The following PLEKHA8 variants were observed in gnomAD, a reference collection of about 807,000 sequenced individuals.
PLEKHA8 encodes pleckstrin homology domain-containing family A member 8.
Under a neutral mutation model 68.2 loss-of-function variants are expected in PLEKHA8, and 36 were observed. The ratio of observed to expected loss-of-function variants is 0.53; its 90% CI spans 0.40 to 0.70. The LOEUF (loss-of-function observed/expected upper bound fraction) is 0.70. Among genes scored for constraint, PLEKHA8 ranks in the 30% least tolerant of loss-of-function variants. The probability of loss-of-function intolerance (pLI) is 0.00; values close to 1 mark genes in which losing one functional copy is unlikely to be tolerated. For missense variants in PLEKHA8, 505 were observed against 615.4 expected (o/e 0.82, Z 1.90); for synonymous variants, 211 against 216.1 (o/e 0.98, Z 0.20).
intron 1 of PLEKHA8, among the ~76,000 whole-genome samples, chr7:30,039,144 T>A (rs752127814): frequency 6.6e-6 from 1 of 152,238 alleles, no homozygotes; most frequent in Non-Finnish European, 1.5e-5. Context: ...TGGTAGCAGT[T>A]TTGGAATAGT....
rs767913028 is a variant in PLEKHA8 at position 30,060,921 on chromosome 7, G to A, written c.1077G>A (p.Met359Ile). 10 of 1,613,006 alleles carry A rather than the reference G, an allele frequency of 6.2e-6. No homozygotes were observed. Among genetic ancestry groups the A allele is most frequent in the Non-Finnish European group, 8.5e-6 (10 of 1,179,578 alleles). ...LGPTVFAPVK[M>I]DLVGNIKKVN... ...CTACAGTGTTTGCTCCTGTTAAGAT[G>A]GATCTTGTTGGAAATATTAAGGTGA... The change falls in exon 10 of 14, where the codon ATG becomes ATA. Residue 359 changes from methionine (M) to isoleucine (I), a missense_variant. Met to Ile is a conservative substitution (Grantham distance 10). Coordinates refer to ENST00000449726, the MANE Select transcript of PLEKHA8 (RefSeq NM_001197026.2).
intron 13 of PLEKHA8, among the ~76,000 whole-genome samples, chr7:30,115,688 G>A (rs1043323430): frequency 2.0e-5 from 3 of 149,022 alleles, no homozygotes; most frequent in African/African-American, 7.5e-5. Flanking sequence ...GCACATACAT[G>A]CATACACGTA....
At chr7:30,029,542 T>A (rs1360200489) in intron 1 of PLEKHA8, among the ~76,000 whole-genome samples, 1 of 152,246 alleles carries the variant, frequency 6.6e-6, no homozygotes, top group Non-Finnish European at 1.5e-5. Flanking sequence ...GTTCTACAGC[T>A]GTGAAAATTA....
At chr7:30,129,878 G>A (rs1388651500), downstream of PLEKHA8, 1 of 156,080 alleles carries the variant, frequency 6.4e-6, no homozygotes, top group Non-Finnish European at 1.4e-5. Flanking sequence ...TGTTTCCATT[G>A]TGTCACATAT....
rs184861037 is a variant in PLEKHA8 at position 30,074,493 on chromosome 7, A to G, written c.1362+361A>G. Among the ~76,000 whole-genome samples, 62 of 152,294 alleles carry G rather than the reference A, an allele frequency of 4.1e-4. 1 individual carries two copies. The highest frequency in any genetic ancestry group is 1.3e-3 in the African/African-American group (56 of 41,562). ...CAATGACCTTGTGAAGATTTGCCTC[A>G]TAAGTGGTTGCCTTTCTGATAAGGT... On this transcript the variant is annotated intron_variant, in intron 13 of 13. Coordinates refer to ENST00000449726, the MANE Select transcript of PLEKHA8 (RefSeq NM_001197026.2).
chr7:30,052,986 G>C, intron 7 of PLEKHA8, 120 bp downstream of exon 7: 1 of 765,678 alleles, frequency 1.3e-6, no homozygotes, highest in Non-Finnish European at 2.0e-6. Flanking sequence ...TGCTAAGGAG[G>C]ATATTGGCTG....
At chr7:30,056,724 C>CA (rs1195453987) in intron 9 of PLEKHA8, among the ~76,000 whole-genome samples, 2,927 of 39,710 alleles carry the variant, frequency 0.074, 277 homozygotes, top group African/African-American at 0.099. Context: ...CAGCCTGTCT[C>CA]AAAAAAAAAA....
chr7:30,091,995 A>T (rs1795431182), downstream of PLEKHA8, among the ~76,000 whole-genome samples: 3 of 152,316 alleles, frequency 2.0e-5, no homozygotes, highest in Admixed American at 6.5e-5. Flanking sequence ...TGTTCATAGA[A>T]GCCCGTGGAA....
intron 13 of PLEKHA8, among the ~76,000 whole-genome samples, chr7:30,123,997 A>G (rs1796734388): frequency 6.6e-6 from 1 of 152,244 alleles, no homozygotes; most frequent in Admixed American, 6.5e-5. Context: ...CAGAGAGGCT[A>G]TATCTTTGGG....
At chr7:30,077,929 A>T (rs1356308825) in intron 13 of PLEKHA8, among the ~76,000 whole-genome samples, 5 of 152,192 alleles carry the variant, frequency 3.3e-5, no homozygotes, top group Non-Finnish European at 7.4e-5. Context: ...CACAGAGATG[A>T]TCCAAGTTCA....
chr7:30,087,984 T>C (rs1018535954), downstream of PLEKHA8, among the ~76,000 whole-genome samples: 1 of 152,262 alleles, frequency 6.6e-6, no homozygotes, highest in Non-Finnish European at 1.5e-5. Context: ...TTCCTGTCAA[T>C]GTGCCCCGCA....
chr7:30,033,484 A>G (rs1368297482), intron 1 of PLEKHA8, among the ~76,000 whole-genome samples: 1 of 152,210 alleles, frequency 6.6e-6, no homozygotes, highest in East Asian at 1.9e-4. Flanking sequence ...TTATTACCAA[A>G]TAATATTTCA....
chr7:30,064,495 A>G (rs77904861), intron 12 of PLEKHA8, among the ~76,000 whole-genome samples: 25,425 of 152,074 alleles, frequency 0.17, 2,165 homozygotes, highest in Middle Eastern at 0.22. Flanking sequence ...GTGAATTGTG[A>G]TCATGGCACT....
rs1790404272 is a variant in PLEKHA8 at position 30,028,760 on chromosome 7, G to C, written c.-3G>C. The stretch of plus-strand genomic sequence containing the variant: ...GGGCGTGGGCCGAGTGGCCGCGGGC[G>C]CCATGGAGGGGGTGCTGTACAAGTG... On this transcript the variant is annotated 5_prime_UTR_variant, in exon 1 of 14. Coordinates refer to ENST00000449726, the MANE Select transcript of PLEKHA8 (RefSeq NM_001197026.2). 16 of 1,266,452 alleles carry C rather than the reference G, an allele frequency of 1.3e-5. No individual in the cohort carries two copies. Among genetic ancestry groups the C allele is most frequent in the Non-Finnish European group, 1.6e-5 (16 of 1,000,236 alleles). 78.5% of individuals were successfully genotyped at this position (1,266,452 alleles called of 1,614,324 possible).
chr7:30,095,410 A>G (rs1795573858), downstream of PLEKHA8, among the ~76,000 whole-genome samples: 1 of 152,252 alleles, frequency 6.6e-6, no homozygotes, highest in East Asian at 1.9e-4. Context: ...AGTTCATTGT[A>G]GATTCTGGAT....
At chr7:30,096,913 C>G (rs1156623430) in intron 13 of PLEKHA8, among the ~76,000 whole-genome samples, 1 of 152,174 alleles carries the variant, frequency 6.6e-6, no homozygotes, top group Non-Finnish European at 1.5e-5. Flanking sequence ...GCAGTTTCTT[C>G]CTAGCCTTAA....
At chr7:30,094,275 C>CCTTTT (rs1562545904), downstream of PLEKHA8, among the ~76,000 whole-genome samples, 1 of 138,262 alleles carries the variant, frequency 7.2e-6, no homozygotes, top group Admixed American at 7.5e-5. Context: ...CAAGTTTCTA[C>CCTTTT]TTTTTTTTTT....
At chr7:30,059,986 G>A (rs1183857466) in intron 9 of PLEKHA8, among the ~76,000 whole-genome samples, 1 of 150,168 alleles carries the variant, frequency 6.7e-6, no homozygotes, top group Admixed American at 6.6e-5. Context: ...GATCGAGACC[G>A]TCTTGGCCAA....
intron 9 of PLEKHA8, among the ~76,000 whole-genome samples, chr7:30,056,332 A>ATATATATG (rs1562870115): frequency 7.7e-6 from 1 of 130,168 alleles, no homozygotes; most frequent in East Asian, 2.2e-4. Context: ...ATATATATAT[A>ATATATATG]AATAACATAT....
Sources: gnomAD v4.1 joint callset for allele counts (sites outside exome capture counted in the v4.1 genomes callset) on GRCh38, gnomAD v4.1.1 for gene constraint, MANE v1.5 for transcripts, NCBI Gene and HGNC (gene_info 2026-07-23, HGNC 2026-07-21) for gene names.